CHRM5: variants seen among roughly 807,000 people sequenced by gnomAD.
CHRM5 encodes the protein cholinergic receptor muscarinic 5, also known as muscarinic acetylcholine receptor M5.
A neutral mutation model predicts 39.0 loss-of-function variants in CHRM5; 18 were observed. The observed-to-expected ratio is 0.46, with a 90% CI of 0.32 to 0.68. The LOEUF is 0.68. Among genes scored for constraint, CHRM5 ranks in the 30% least tolerant of loss-of-function variants. CHRM5 has a pLI of 0.04. For missense variants in CHRM5, 515 were observed against 651.1 expected (o/e 0.79, Z 2.28); for synonymous variants, 241 against 246.3 (o/e 0.98, Z 0.20).
intron 1 of CHRM5, among the ~76,000 whole-genome samples, chr15:34,014,535 G>C (rs1897798621): frequency 6.6e-6 from 1 of 152,080 alleles, no homozygotes; most frequent in Admixed American, 6.5e-5. Context: ...AGGTGACAAA[G>C]TATCTCCACA....
At chr15:33,988,273 T>G (rs1896563545) in intron 1 of CHRM5, among the ~76,000 whole-genome samples, 1 of 152,182 alleles carries the variant, frequency 6.6e-6, no homozygotes, top group African/African-American at 2.4e-5. Flanking sequence ...CAACAATATA[T>G]TTCGATTTTA....
chr15:34,002,788 A>G (rs1897185559), intron 1 of CHRM5, among the ~76,000 whole-genome samples: 1 of 152,204 alleles, frequency 6.6e-6, no homozygotes, highest in Non-Finnish European at 1.5e-5. Flanking sequence ...TTCCACTTAT[A>G]GAAAGCCTTT....
intron 1 of CHRM5, among the ~76,000 whole-genome samples, chr15:34,044,626 T>G (rs929194455): frequency 1.3e-5 from 2 of 152,206 alleles, no homozygotes; most frequent in Non-Finnish European, 2.9e-5. Flanking sequence ...AAGACAATAC[T>G]GCTCCCAACA....
Position 34,064,057 on chromosome 15 carries a change from T to G in CHRM5, c.1340T>G (p.Ile447Ser). 1 of 1,614,158 alleles carries G rather than the reference T, an allele frequency of 6.2e-7. No individual in the cohort carries two copies. Residue 447 changes from isoleucine to serine, a missense_variant, in exon 3 of 3, where the codon ATT becomes AGT. Transcript: ENST00000383263. ...AAAGCAGCCCAGACACTGAGTGCCA[T>G]TCTCCTGGCCTTCATCATCACATGG... Reference protein sequence around the residue: ...ERKAAQTLSAILLAFIITWTP... With the variant: ...ERKAAQTLSASLLAFIITWTP...
intron 1 of CHRM5, among the ~76,000 whole-genome samples, chr15:33,996,932 C>A (rs1896960558): frequency 1.3e-5 from 2 of 152,116 alleles, no homozygotes; most frequent in South Asian, 4.1e-4. Context: ...GCTGTTCGAA[C>A]CCATCGCAAG....
At chr15:33,973,894 C>T (rs1427272965) in intron 1 of CHRM5, among the ~76,000 whole-genome samples, 1 of 152,042 alleles carries the variant, frequency 6.6e-6, no homozygotes, top group African/African-American at 2.4e-5. Flanking sequence ...TCTCAGACAG[C>T]CAGAAGAATA....
At position 34,009,350 on chromosome 15, in the gene CHRM5, T is replaced by C. The variant is rs549985524; in HGVS notation, c.-407-37190T>C. Among the ~76,000 whole-genome samples, 3 of 152,326 alleles carry C rather than the reference T, an allele frequency of 2.0e-5. No individual in the cohort carries two copies. In the East Asian group the frequency reaches 5.8e-4, roughly 29 times the overall value. ...ATCCACATGAAAAAACCAGTAATTA[T>C]GTAACTATAAAATATCACATAAATG... is the stretch of plus-strand genomic sequence containing the variant. On this transcript the variant is annotated intron_variant, in intron 1 of 2. Transcript: ENST00000383263.
chr15:34,025,831 G>A (rs1442347234), intron 1 of CHRM5, among the ~76,000 whole-genome samples: 1 of 152,022 alleles, frequency 6.6e-6, no homozygotes, highest in African/African-American at 2.4e-5. Flanking sequence ...CACTGGACCT[G>A]TCCAAACTCA....
chr15:34,033,035 A>G (rs1274684988), intron 1 of CHRM5, among the ~76,000 whole-genome samples: 1 of 152,162 alleles, frequency 6.6e-6, no homozygotes, highest in Middle Eastern at 3.2e-3. Flanking sequence ...CAACATTCCC[A>G]TCTACCTATT....
At chr15:33,999,044 T>A (rs1457420084) in intron 1 of CHRM5, among the ~76,000 whole-genome samples, 1 of 152,238 alleles carries the variant, frequency 6.6e-6, no homozygotes, top group Non-Finnish European at 1.5e-5. Flanking sequence ...GTCTCTTCCA[T>A]GTGCCAATGC....
At chr15:34,018,076 T>C (rs1898026044) in intron 1 of CHRM5, among the ~76,000 whole-genome samples, 1 of 152,234 alleles carries the variant, frequency 6.6e-6, no homozygotes, top group African/African-American at 2.4e-5. Context: ...TTATACTTTT[T>C]ACCATTATTT....
At chr15:33,989,739 A>G (rs1896636937) in intron 1 of CHRM5, among the ~76,000 whole-genome samples, 1 of 152,124 alleles carries the variant, frequency 6.6e-6, no homozygotes, top group South Asian at 2.1e-4. Context: ...AAGAGAATTT[A>G]TCAACTTCCA....
At chr15:34,001,659 G>A (rs1897142936) in intron 1 of CHRM5, among the ~76,000 whole-genome samples, 1 of 152,120 alleles carries the variant, frequency 6.6e-6, no homozygotes, top group African/African-American at 2.4e-5. Context: ...TCAATGAGTT[G>A]AGAGCAATCC....
chr15:34,014,208 TGAAAAA>T (rs1897764510), intron 1 of CHRM5, among the ~76,000 whole-genome samples: 1 of 150,992 alleles, frequency 6.6e-6, no homozygotes, highest in Admixed American at 6.6e-5. Flanking sequence ...ACTAAAAATA[TGAAAAA>T]TTAGCCAGGC....
chr15:33,979,904 T>C (rs1029412181), intron 1 of CHRM5, among the ~76,000 whole-genome samples: 4 of 152,232 alleles, frequency 2.6e-5, no homozygotes, highest in African/African-American at 7.2e-5. Flanking sequence ...AGATTCAAGA[T>C]TGGTATTAGA....
intron 1 of CHRM5, among the ~76,000 whole-genome samples, chr15:33,997,512 C>T (rs538794629): frequency 9.9e-5 from 15 of 152,240 alleles, no homozygotes; most frequent in African/African-American, 3.6e-4. Flanking sequence ...AAGACTATAT[C>T]ATTACCGTCA....
intron 1 of CHRM5, among the ~76,000 whole-genome samples, chr15:34,020,138 C>T (rs548759375): frequency 6.6e-6 from 1 of 151,938 alleles, no homozygotes; most frequent in South Asian, 2.1e-4. Flanking sequence ...GGTGAAACCC[C>T]GTCTCTACTA....
chr15:34,007,001 ATT>A, intron 1 of CHRM5: 1 of 908,936 alleles, frequency 1.1e-6, no homozygotes, highest in African/African-American at 1.8e-5. Flanking sequence ...TCATATAAAT[ATT>A]GTTACAAAAT....
chr15:33,991,209 C>T (rs1211544479), intron 1 of CHRM5: 1 of 151,994 alleles, frequency 6.6e-6, no homozygotes, highest in African/African-American at 2.4e-5. Context: ...GTATTAAATC[C>T]AATAAAAAGT....
Sources: gnomAD v4.1 joint callset for allele counts (sites outside exome capture counted in the v4.1 genomes callset) on GRCh38, gnomAD v4.1.1 for gene constraint, MANE v1.5 for transcripts, NCBI Gene and HGNC (gene_info 2026-07-23, HGNC 2026-07-21) for gene names.